FLNC: variants seen among roughly 807,000 people sequenced by gnomAD.
FLNC encodes the protein filamin-C.
A neutral mutation model predicts 254.3 loss-of-function variants in FLNC; 91 were observed. The observed-to-expected ratio is 0.36, with a 90% CI of 0.30 to 0.43. FLNC has a LOEUF of 0.43. Among genes scored for constraint, FLNC ranks in the 20% least tolerant of loss-of-function variants. FLNC has a pLI of 1.00. For missense variants in FLNC, 2,853 were observed against 3,802.6 expected (o/e 0.75, Z 6.57); for synonymous variants, 1,430 against 1,577.2 (o/e 0.91, Z 2.21).
At chr7:128,839,312 G>T (rs1200251725) in intron 8 of FLNC, among the ~76,000 whole-genome samples, 1 of 152,218 alleles carries the variant, frequency 6.6e-6, no homozygotes, top group Non-Finnish European at 1.5e-5. Flanking sequence ...GGCAGGTCTA[G>T]TGTCTTTGCC....
At chr7:128,840,000 C>G (rs772928460) in intron 8 of FLNC, 23 bp from the exon 9 acceptor site, 2 of 1,610,156 alleles carry the variant, frequency 1.2e-6, no homozygotes, top group South Asian at 2.2e-5. Flanking sequence ...GCACCCCCAA[C>G]CTCCTTTCTC....
At chr7:128,834,050 C>CA (rs1807996360) in intron 1 of FLNC, among the ~76,000 whole-genome samples, 1 of 152,102 alleles carries the variant, frequency 6.6e-6, no homozygotes, top group Non-Finnish European at 1.5e-5. Context: ...ACACTTTCCC[C>CA]AAGACCTGGG....
rs768737324 is a variant in FLNC at position 128,848,685 on chromosome 7, G to A, written c.4705G>A (p.Ala1569Thr). The change falls in exon 27 of 48, where the codon GCG (alanine) becomes ACG (threonine). Residue 1569 changes from alanine (A) to threonine (T), a missense_variant. Physicochemically the swap from Ala to Thr is moderately conservative, Grantham distance 58. Coordinates refer to ENST00000325888, the MANE Select transcript of FLNC (RefSeq NM_001458.5). ...PVEFTIDARD[A>T]GEGLLTVQIL... ...GGAGTTCACCATCGACGCACGGGACGCGGGCGAGGGGTTGCTCACTGTCCA... is the reference window on the plus strand; with the variant it reads ...GGAGTTCACCATCGACGCACGGGACACGGGCGAGGGGTTGCTCACTGTCCA... The A allele has an allele frequency of 1.9e-5, 30 of 1,613,232 alleles. No homozygotes were observed. The highest frequency in any genetic ancestry group is 5.3e-5 in the African/African-American group (4 of 74,914).
intron 32 of FLNC, 112 bp from the exon 33 acceptor site, chr7:128,850,687 CTCTT>C: frequency 2.0e-6 from 3 of 1,502,496 alleles, no homozygotes; most frequent in Non-Finnish European, 2.7e-6. Flanking sequence ...CACAGGCTGT[CTCTT>C]GATGCCTGGC....
chr7:128,838,985 C>T (rs999917099), intron 8 of FLNC, among the ~76,000 whole-genome samples, 182 bp downstream of exon 8: 3 of 152,176 alleles, frequency 2.0e-5, no homozygotes, highest in Non-Finnish European at 4.4e-5. Flanking sequence ...GGTCCCAGAA[C>T]ATGTGCCACC....
rs1177063056 is a variant in FLNC, at chr7:128,842,541, A to G, written c.2266-34A>G. 2.6e-6 allele frequency: 4 copies of G among 1,548,036 alleles called. No homozygotes were observed. In the Admixed American group the frequency reaches 7.8e-5, roughly 30 times the overall value. The stretch of plus-strand genomic sequence containing the variant: ...TGGGCAGGAGGATGAGCCTTGAGGG[A>G]GGGCACCACGCTGAGCTGCGACCCC... On this transcript the variant is annotated intron_variant, in intron 14 of 47. Coordinates refer to ENST00000325888, the MANE Select transcript of FLNC (RefSeq NM_001458.5). The surrounding 1 kb of genome is among the most constrained non-coding windows in gnomAD (Gnocchi z 5.4).
At chr7:128,851,698 G>A (rs1446783949) in intron 35 of FLNC, 70 bp downstream of exon 35, 2 of 1,526,302 alleles carry the variant, frequency 1.3e-6, no homozygotes, top group South Asian at 1.1e-5. Flanking sequence ...TCATGTGCAA[G>A]CCCAGCCCGT....
intron 20 of FLNC, 36 bp from the exon 21 acceptor site, chr7:128,844,622 A>C (rs1394476129): frequency 1.3e-6 from 2 of 1,580,526 alleles, no homozygotes; most frequent in African/African-American, 1.3e-5. Flanking sequence ...TGAGGAGGCC[A>C]GGTGCAGGGA....
intron 1 of FLNC, among the ~76,000 whole-genome samples, chr7:128,832,016 C>T (rs1318421346): frequency 1.3e-5 from 2 of 152,168 alleles, no homozygotes; most frequent in Non-Finnish European, 2.9e-5. Context: ...CCCCACGGCC[C>T]CAGGAGGGGA....
Position 128,837,632 on chromosome 7 carries a change from C to G in FLNC, c.851-5C>G. 1 of 1,612,552 alleles carries G rather than the reference C, an allele frequency of 6.2e-7. No homozygotes were observed. Among genetic ancestry groups the G allele is most frequent in the Non-Finnish European group, 8.5e-7 (1 of 1,179,934 alleles). ...AGTAACCTGGGCTCTGCTCCTGCCC[C>G]GTAGGCATCGAGCCACAGGGCAACA... On this transcript the variant is annotated splice_polypyrimidine_tract_variant and splice_region_variant and intron_variant, in intron 4 of 47. Transcript: ENST00000325888.
intron 1 of FLNC, among the ~76,000 whole-genome samples, chr7:128,834,750 A>G (rs770481724): frequency 2.0e-5 from 3 of 152,224 alleles, no homozygotes; most frequent in East Asian, 1.9e-4. Context: ...AAAGTAATCT[A>G]TCGTGACAGA....
Position 128,848,675 on chromosome 7 carries a change from C to T in FLNC, c.4695C>T (p.Asp1565=), listed in dbSNP as rs769871754. The change falls in exon 27 of 48, where the codon GAC becomes GAT. Residue 1565 remains aspartate, a synonymous_variant. Transcript: ENST00000325888. ...GCCTGCCTGTGGAGTTCACCATCGA[C>T]GCACGGGACGCGGGCGAGGGGTTGC... ...PASLPVEFTI[D]ARDAGEGLLT... is the part of the protein sequence containing the mutation. The T allele has an allele frequency of 5.2e-5, 84 of 1,613,282 alleles. No homozygotes were observed. The Admixed American group carries it at 9.3e-4, about 18-fold the overall frequency.
rs551391789 is a variant in FLNC at position 128,845,662 on chromosome 7, G to T, written c.3791-328G>T. On this transcript the variant is annotated intron_variant, in intron 21 of 47. Transcript: ENST00000325888. ...CTGCCAGGGGCCAGACCCTGGCTAG[G>T]CATGGGCCACGGCAGAGGGATGCAA... Among the ~76,000 whole-genome samples, 3 of 152,266 alleles carry T rather than the reference G, an allele frequency of 2.0e-5. No individual in the cohort carries two copies. In the South Asian group the frequency reaches 6.2e-4, roughly 32 times the overall value.
Position 128,846,101 on chromosome 7 carries a change from A to G in FLNC, c.3902A>G (p.Asp1301Gly). Residue 1301 changes from aspartate (D) to glycine (G), a missense_variant, in exon 22 of 48, where the codon GAC becomes GGC. By Grantham distance (94) the Asp-to-Gly change is moderately conservative (BLOSUM62 -1). Around this residue, in one of 10 missense-constraint regions of FLNC, gnomAD observed 1,573 missense variants for 1,883.5 expected, o/e 0.84. Coordinates refer to ENST00000325888, the MANE Select transcript of FLNC (RefSeq NM_001458.5). ...RVLNPSGAKT[D>G]TYVTDNGDGT... ...CTCAACCCCTCGGGGGCCAAGACAG[A>G]CACCTATGTGACAGACAATGGGGAC... is the stretch of plus-strand genomic sequence containing the variant. The G allele has an allele frequency of 6.2e-7, 1 of 1,613,968 alleles. No individual in the cohort carries two copies. The highest frequency in any genetic ancestry group is 8.5e-7 in the Non-Finnish European group (1 of 1,179,986).
chr7:128,833,397 G>A (rs1464979091), intron 1 of FLNC, among the ~76,000 whole-genome samples: 1 of 152,230 alleles, frequency 6.6e-6, no homozygotes, highest in Admixed American at 6.5e-5. Flanking sequence ...AGATGGAGAA[G>A]TGGCTTGGTG....
intron 8 of FLNC, among the ~76,000 whole-genome samples, chr7:128,839,734 G>C (rs539073753): frequency 6.6e-6 from 1 of 152,236 alleles, no homozygotes; most frequent in Non-Finnish European, 1.5e-5. Flanking sequence ...CTTGGGCTGG[G>C]TAAAGGGGCC....
chr7:128,835,936 C>T lies in FLNC; in HGVS notation c.601+362C>T, dbSNP rs566206913. On this transcript the variant is annotated intron_variant, in intron 2 of 47. Transcript: ENST00000325888. The surrounding 1 kb of genome is among the most constrained non-coding windows in gnomAD (Gnocchi z 5.3). ...GCCCCATGAATTTTTTACTGTGCCA[C>T]GAGGCACTATTCCTGCCGAGCTGAG... is the stretch of plus-strand genomic sequence containing the variant. Among the ~76,000 whole-genome samples, 11 of 152,284 alleles carry T rather than the reference C, an allele frequency of 7.2e-5. No individual in the cohort carries two copies. The South Asian group carries it at 8.3e-4, about 11-fold the overall frequency.
rs1410315376 is a variant in FLNC, at chr7:128,835,568, G to A, written c.595G>A (p.Ala199Thr). The A allele has an allele frequency of 6.2e-7, 1 of 1,613,130 alleles. No homozygotes were observed. The change falls in exon 2 of 48, where the codon GCC (alanine) becomes ACC (threonine). Residue 199 changes from alanine to threonine, a missense_variant. Physicochemically the swap from Ala to Thr is moderately conservative, Grantham distance 58. Transcript: ENST00000325888. This position sits in a 1 kb window ranked among gnomAD's most constrained non-coding sequence, Gnocchi z 5.3. ...TCTGGGCGCCCTGGTGGACAACTGC[G>A]CCCCCGGTGAGTGGGCCAGTGAGCA... ...KALGALVDNC[A>T]PGLCPDWEAW...
At position 128,849,322 on chromosome 7, in the gene FLNC, G is replaced by A. The variant is rs747821376; in HGVS notation, c.4952-9G>A. On this transcript the variant is annotated splice_polypyrimidine_tract_variant and intron_variant, in intron 29 of 47. Transcript: ENST00000325888. ...ACCAGCTCCCTGAGCAGGATCTCCC[G>A]CATGGCAGGTGCCTGCCTGGGCCCT... 1.2e-5 allele frequency: 20 copies of A among 1,613,990 alleles called. No individual in the cohort carries two copies. The highest frequency in any genetic ancestry group is 1.4e-5 in the Non-Finnish European group (16 of 1,180,036).
Sources: allele counts gnomAD v4.1 joint callset (sites outside exome capture counted in the v4.1 genomes callset), GRCh38; gene constraint gnomAD v4.1.1; regional missense constraint gnomAD v4.1.1; non-coding constraint Gnocchi (gnomAD v3.1); transcripts MANE v1.5; gene names NCBI Gene and HGNC (gene_info 2026-07-23, HGNC 2026-07-21).